GRM3: variants seen among roughly 807,000 people sequenced by gnomAD.
GRM3 encodes metabotropic glutamate receptor 3.
In GRM3, 26 loss-of-function variants were observed where a neutral mutation model predicts 70.5. The observed-to-expected ratio is 0.37, with a 90% confidence interval of 0.27 to 0.51. GRM3 has a LOEUF of 0.51. Ranked by LOEUF, GRM3 falls within the 20% of genes least tolerant of loss-of-function variation. The pLI, the probability that GRM3 is intolerant of heterozygous loss-of-function variation, is 0.93. For synonymous variants in GRM3, 443 were observed against 434.9 expected, an observed-to-expected ratio of 1.02 and a Z score of -0.23; for missense variants, 859 against 1,123.8, an observed-to-expected ratio of 0.76 and a Z score of 3.37.
rs187953778 is a variant in GRM3 at position 86,717,306 on chromosome 7, G to A, written c.-140-47700G>A. 2.5e-3 allele frequency among the ~76,000 whole-genome samples: 385 copies of A among 152,044 alleles called. 6 individuals carry two copies. Among genetic ancestry groups the A allele is most frequent in the Admixed American group, 0.022 (341 of 15,226 alleles). On this transcript the variant is annotated intron_variant, in intron 1 of 5. Coordinates refer to ENST00000361669, the MANE Select transcript of GRM3 (RefSeq NM_000840.3). Reference sequence around the variant, plus strand: ...TTTAAATGTCATGTCCTCACAGTGAGATATACCAAATTGCTCCCTCTTACT... The same window carrying A: ...TTTAAATGTCATGTCCTCACAGTGAAATATACCAAATTGCTCCCTCTTACT...
At chr7:86,804,751 G>T (rs1797753045) in intron 3 of GRM3, among the ~76,000 whole-genome samples, 1 of 152,132 alleles carries the variant, frequency 6.6e-6, no homozygotes, top group African/African-American at 2.4e-5. Context: ...TATGACAGGT[G>T]CTTCTGTTTC....
intron 3 of GRM3, among the ~76,000 whole-genome samples, chr7:86,809,408 G>A (rs570457063): frequency 1.3e-5 from 2 of 152,144 alleles, no homozygotes; most frequent in East Asian, 1.9e-4. Flanking sequence ...AGCCCTGAAT[G>A]TCATGGTGAT....
chr7:86,820,787 A>C (rs1299753469), intron 3 of GRM3, among the ~76,000 whole-genome samples: 1 of 152,156 alleles, frequency 6.6e-6, no homozygotes, highest in Admixed American at 6.5e-5. Flanking sequence ...GAGAGGAAAA[A>C]AAACAGGAAT....
chr7:86,746,375 A>ATATAT (rs1562846667), intron 1 of GRM3, among the ~76,000 whole-genome samples: 18 of 137,130 alleles, frequency 1.3e-4, no homozygotes, highest in East Asian at 4.2e-4. Context: ...ATATATATAT[A>ATATAT]ATCACTTCAA....
intron 3 of GRM3, chr7:86,833,274 A>C (rs1182011698): frequency 6.7e-6 from 1 of 150,140 alleles, no homozygotes; most frequent in African/African-American, 2.4e-5. Flanking sequence ...GAGGGATAGC[A>C]CTGGGAGATA....
intron 1 of GRM3, among the ~76,000 whole-genome samples, chr7:86,716,375 T>C (rs1795314522): frequency 6.6e-6 from 1 of 152,008 alleles, no homozygotes; most frequent in South Asian, 2.1e-4. Flanking sequence ...TTATTCCACT[T>C]AATCCTCAAA....
Position 86,807,968 on chromosome 7 carries a change from T to C in GRM3, c.1324+20852T>C, listed in dbSNP as rs1271224881. Among the ~76,000 whole-genome samples the C allele has an allele frequency of 2.6e-5, 4 of 152,180 alleles. No individual in the cohort carries two copies. In the East Asian group the frequency reaches 7.7e-4, roughly 29 times the overall value. On this transcript the variant is annotated intron_variant, in intron 3 of 5. Transcript: ENST00000361669. ...TTTTAGCATGAAGGGCTGTTGAATT[T>C]TGTTGAAGGCCTTTTCTGAATCTAT... is the stretch of plus-strand genomic sequence containing the variant.
At chr7:86,754,261 A>G (rs1161235745) in intron 1 of GRM3, among the ~76,000 whole-genome samples, 1 of 152,136 alleles carries the variant, frequency 6.6e-6, no homozygotes, top group Non-Finnish European at 1.5e-5. Flanking sequence ...ACACAAAGGT[A>G]TCTACAATTC....
chr7:86,858,050 G>A (rs986864609), intron 5 of GRM3, among the ~76,000 whole-genome samples: 3 of 151,836 alleles, frequency 2.0e-5, no homozygotes, highest in African/African-American at 7.3e-5. Context: ...TCTGCTTCCT[G>A]GGTTTACACC....
chr7:86,811,948 T>C (rs992090903), intron 3 of GRM3, among the ~76,000 whole-genome samples: 24 of 151,508 alleles, frequency 1.6e-4, no homozygotes, highest in Non-Finnish European at 3.4e-4. Context: ...TATCTGTTGA[T>C]ATATAGCTTA....
chr7:86,747,895 T>G (rs1283980681), intron 1 of GRM3, among the ~76,000 whole-genome samples: 1 of 152,140 alleles, frequency 6.6e-6, no homozygotes, highest in Non-Finnish European at 1.5e-5. Context: ...GCTCTGTTAA[T>G]TGTGATTTCA....
intron 1 of GRM3, among the ~76,000 whole-genome samples, chr7:86,646,511 AC>A (rs947396378): frequency 2.0e-5 from 3 of 152,144 alleles, no homozygotes; most frequent in Admixed American, 2.0e-4. Flanking sequence ...CTATACCTTA[AC>A]AAATAAAACA....
At chr7:86,771,024 T>A (rs773084613) in intron 2 of GRM3, among the ~76,000 whole-genome samples, 12 of 152,062 alleles carry the variant, frequency 7.9e-5, no homozygotes, top group Non-Finnish European at 1.8e-4. Context: ...TACAAAATTA[T>A]CCCCTTTCCT....
intron 1 of GRM3, among the ~76,000 whole-genome samples, chr7:86,763,246 G>A (rs1796524467): frequency 6.6e-6 from 1 of 152,122 alleles, no homozygotes; most frequent in Admixed American, 6.6e-5. Context: ...ATGTGTGAAG[G>A]TTGAAAAGCA....
chr7:86,847,003 C>A lies in GRM3; in HGVS notation c.2392-3367C>A, dbSNP rs369275257. Among the ~76,000 whole-genome samples the A allele has an allele frequency of 4.6e-5, 7 of 152,274 alleles. No homozygotes were observed. In the East Asian group the frequency reaches 9.6e-4, roughly 21 times the overall value. ...AGTAGCCAGAGTGTCAATATTTGCA[C>A]AGGTTTCCTGAGTGCCACTTCTCAC... On this transcript the variant is annotated intron_variant, in intron 4 of 5. Coordinates refer to ENST00000361669, the MANE Select transcript of GRM3 (RefSeq NM_000840.3).
At chr7:86,755,396 T>C (rs1644548399) in intron 1 of GRM3, among the ~76,000 whole-genome samples, 1 of 152,076 alleles carries the variant, frequency 6.6e-6, no homozygotes, top group Non-Finnish European at 1.5e-5. Context: ...ATCATAACCT[T>C]GGAAGTGGAA....
intron 2 of GRM3, among the ~76,000 whole-genome samples, chr7:86,766,699 A>AT (rs1271949063): frequency 6.6e-6 from 1 of 152,024 alleles, no homozygotes; most frequent in Admixed American, 6.6e-5. Context: ...TAAGTTTAGT[A>AT]TTTTTTCTGA....
intron 5 of GRM3, among the ~76,000 whole-genome samples, chr7:86,857,191 T>C (rs916453356): frequency 6.6e-6 from 1 of 151,968 alleles, no homozygotes; most frequent in African/African-American, 2.4e-5. Flanking sequence ...TGGCATCTTG[T>C]TCTATCAGCA....
intron 1 of GRM3, among the ~76,000 whole-genome samples, chr7:86,680,162 G>A (rs1315745874): frequency 6.6e-6 from 1 of 152,086 alleles, no homozygotes; most frequent in African/African-American, 2.4e-5. Flanking sequence ...CTAGAAATGA[G>A]CAATCATGAT....
Sources: allele counts gnomAD v4.1 joint callset (sites outside exome capture counted in the v4.1 genomes callset), GRCh38; gene constraint gnomAD v4.1.1; transcripts MANE v1.5; gene names NCBI Gene and HGNC (gene_info 2026-07-23, HGNC 2026-07-21).